The following ARID1B variants were observed in gnomAD, a reference collection of about 807,000 sequenced individuals.
ARID1B encodes the protein AT-rich interactive domain-containing protein 1B.
A neutral mutation model predicts 212.3 loss-of-function variants in ARID1B; 30 were observed. The observed-to-expected ratio is 0.14, with a 90% CI of 0.11 to 0.19. ARID1B has a LOEUF of 0.19. Ranked by LOEUF, ARID1B falls within the 10% of genes least tolerant of loss-of-function variation. The probability of loss-of-function intolerance (pLI) is 1.00; values close to 1 mark genes in which losing one functional copy is unlikely to be tolerated. For missense variants in ARID1B, 2,891 were observed against 3,204.0 expected (o/e 0.90, Z 2.36); for synonymous variants, 1,402 against 1,301.7 (o/e 1.08, Z -1.66).
intron 1 of ARID1B, among the ~76,000 whole-genome samples, chr6:156,797,256 A>G (rs1288559098): frequency 6.6e-6 from 1 of 152,246 alleles, no homozygotes; most frequent in Non-Finnish European, 1.5e-5. Flanking sequence ...CAGAGACAGC[A>G]GACCAACCAC....
intron 4 of ARID1B, among the ~76,000 whole-genome samples, chr6:156,997,008 G>A (rs899278634): frequency 6.6e-6 from 1 of 152,154 alleles, no homozygotes; most frequent in Admixed American, 6.5e-5. Context: ...ATGCAGTCTG[G>A]TGAATTTGTC....
chr6:157,196,553 G>A (rs1034068099), intron 16 of ARID1B, among the ~76,000 whole-genome samples: 5 of 152,124 alleles, frequency 3.3e-5, no homozygotes, highest in African/African-American at 7.2e-5. Flanking sequence ...TCTTCTTCCC[G>A]AAGTCAAGAG....
In ARID1B at chr6:156,958,124, C is replaced by A. The variant is rs149213453; in HGVS notation, c.2247+22548C>A. ...TTTGGCTTGTTGTCCACATCCATCC[C>A]ACTGCACACGGCAGTCTACCATTTG... On this transcript the variant is annotated intron_variant, in intron 4 of 19. Coordinates refer to ENST00000636930, the MANE Select transcript of ARID1B (RefSeq NM_001374828.1). Among the ~76,000 whole-genome samples, 877 of 152,304 alleles carry A rather than the reference C, an allele frequency of 5.8e-3. 3 individuals are homozygous for A. The highest frequency in any genetic ancestry group is 9.2e-3 in the Non-Finnish European group (623 of 68,028).
At chr6:156,840,727 G>A (rs1267297984) in intron 2 of ARID1B, among the ~76,000 whole-genome samples, 1 of 152,166 alleles carries the variant, frequency 6.6e-6, no homozygotes, top group Non-Finnish European at 1.5e-5. Flanking sequence ...TCCTAAGGAA[G>A]TTTTGATGCC....
Position 157,206,137 on chromosome 6 carries a change from T to C in ARID1B, c.5395-30T>C, listed in dbSNP as rs776804547. 1.2e-5 allele frequency: 20 copies of C among 1,607,144 alleles called. No homozygotes were observed. The highest frequency in any genetic ancestry group is 1.5e-5 in the Non-Finnish European group (18 of 1,176,300). ...TGATGTCATGACATTGTACCTGTTC[T>C]TTCTTTCTTCTCCTCCTCCTCCTCT... On this transcript the variant is annotated intron_variant, in intron 19 of 19. Coordinates refer to ENST00000636930, the MANE Select transcript of ARID1B (RefSeq NM_001374828.1). This position sits in a 1 kb window ranked among gnomAD's most constrained non-coding sequence, Gnocchi z 6.8.
intron 4 of ARID1B, among the ~76,000 whole-genome samples, chr6:157,056,380 CA>C (rs1401683689): frequency 6.6e-6 from 1 of 152,138 alleles, no homozygotes; most frequent in African/African-American, 2.4e-5. Context: ...TGACTGACAA[CA>C]TTGAAAAGAA....
At chr6:157,016,847 TTTA>T (rs1562551643) in intron 4 of ARID1B, among the ~76,000 whole-genome samples, 1 of 152,392 alleles carries the variant, frequency 6.6e-6, no homozygotes, top group East Asian at 1.9e-4. Context: ...TTATTTCTTA[TTTA>T]TATCAATTGG....
intron 2 of ARID1B, among the ~76,000 whole-genome samples, chr6:156,863,190 A>G (rs898396126): frequency 2.0e-5 from 3 of 152,180 alleles, no homozygotes; most frequent in Non-Finnish European, 4.4e-5. Flanking sequence ...CCTGGAAACC[A>G]CCTGTTCTGA....
At chr6:157,147,496 A>C (rs1437541447) in intron 7 of ARID1B, among the ~76,000 whole-genome samples, 9 of 6,646 alleles carry the variant, frequency 1.4e-3, no homozygotes, top group African/African-American at 2.7e-3. Context: ...TCCGACCCTG[A>C]CCTCCGTCCC....
Position 157,000,906 on chromosome 6 carries a change from G to A in ARID1B, c.2247+65330G>A, listed in dbSNP as rs139287008. On this transcript the variant is annotated intron_variant, in intron 4 of 19. Coordinates refer to ENST00000636930, the MANE Select transcript of ARID1B (RefSeq NM_001374828.1). ...GATGGGGTTTCACTACGTTGGCCAG[G>A]CTGGTCTCAAACTCCTGACCTCAAG... 4.7e-4 allele frequency among the ~76,000 whole-genome samples: 72 copies of A among 151,974 alleles called. No homozygotes were observed. In the East Asian group the frequency reaches 0.014, roughly 29 times the overall value.
intron 3 of ARID1B, among the ~76,000 whole-genome samples, chr6:156,906,532 C>T (rs886549852): frequency 1.2e-4 from 13 of 105,792 alleles, no homozygotes; most frequent in East Asian, 2.7e-4. Context: ...GCAACAAGAG[C>T]GAAACTCCAT....
intron 1 of ARID1B, among the ~76,000 whole-genome samples, chr6:156,781,535 C>T (rs963833990): frequency 1.3e-5 from 2 of 151,932 alleles, no homozygotes; most frequent in East Asian, 3.8e-4. Flanking sequence ...ATAATCATAC[C>T]TTAGAGACTT....
At chr6:156,815,722 A>G (rs965488846) in intron 1 of ARID1B, among the ~76,000 whole-genome samples, 2 of 152,228 alleles carry the variant, frequency 1.3e-5, no homozygotes, top group Non-Finnish European at 2.9e-5. Flanking sequence ...AATGCTAAGG[A>G]TATATGACCA....
At chr6:157,122,807 T>C (rs1583346305) in intron 6 of ARID1B, among the ~76,000 whole-genome samples, 1 of 152,246 alleles carries the variant, frequency 6.6e-6, no homozygotes, top group Non-Finnish European at 1.5e-5. Flanking sequence ...GCCTCCCAAG[T>C]AGCTGGGATT....
At chr6:156,914,838 A>T (rs1250287216) in intron 3 of ARID1B, among the ~76,000 whole-genome samples, 1 of 152,158 alleles carries the variant, frequency 6.6e-6, no homozygotes, top group African/African-American at 2.4e-5. Flanking sequence ...ATGTATGTCA[A>T]TCCATCCTTT....
chr6:156,834,825 G>T (rs1312892066), intron 2 of ARID1B, among the ~76,000 whole-genome samples: 1 of 152,168 alleles, frequency 6.6e-6, no homozygotes, highest in Non-Finnish European at 1.5e-5. Flanking sequence ...GAACATGAAG[G>T]TATTTAAGGT....
At chr6:157,033,421 A>T (rs1043253300) in intron 4 of ARID1B, among the ~76,000 whole-genome samples, 9 of 152,334 alleles carry the variant, frequency 5.9e-5, no homozygotes, top group Admixed American at 5.2e-4. Context: ...TAGTTTTGGC[A>T]TTGCTTTATT....
chr6:156,915,567 CA>C (rs1294072015), intron 3 of ARID1B, among the ~76,000 whole-genome samples: 16 of 142,576 alleles, frequency 1.1e-4, no homozygotes. Flanking sequence ...GACTCTGTCT[CA>C]AAAAAAATTA....
chr6:157,133,829 C>A, intron 7 of ARID1B, among the ~76,000 whole-genome samples: 1 of 152,202 alleles, frequency 6.6e-6, no homozygotes, highest in East Asian at 1.9e-4. Flanking sequence ...CACCATTGGC[C>A]TTCCTCCTTC....
Sources: gnomAD v4.1 joint callset for allele counts (sites outside exome capture counted in the v4.1 genomes callset) on GRCh38, gnomAD v4.1.1 for gene constraint, Gnocchi (gnomAD v3.1) non-coding constraint, MANE v1.5 for transcripts, NCBI Gene and HGNC (gene_info 2026-07-23, HGNC 2026-07-21) for gene names.